Variants in NARS2 observed in about 807,000 individuals in gnomAD.
NARS2 encodes the protein asparaginyl-tRNA synthetase 2, mitochondrial.
Under a neutral mutation model 62.9 loss-of-function variants are expected in NARS2, and 60 were observed. The ratio of observed to expected loss-of-function variants is 0.95; its 90% CI spans 0.77 to 1.18. The LOEUF is 1.18. Ranked by LOEUF, NARS2 falls within the 50% of genes most tolerant of loss-of-function variation. The probability of loss-of-function intolerance (pLI) is 0.00; values close to 1 mark genes in which losing one functional copy is unlikely to be tolerated. For synonymous variants in NARS2, 196 were observed against 200.0 expected (o/e 0.98, Z 0.17); for missense variants, 619 against 576.4 (o/e 1.07, Z -0.76).
At chr11:78,467,158 A>G (rs901266448) in intron 10 of NARS2, among the ~76,000 whole-genome samples, 1 of 152,234 alleles carries the variant, frequency 6.6e-6, no homozygotes, top group African/African-American at 2.4e-5. Context: ...ACAGGAAAAA[A>G]TAACTGGAAT....
intron 4 of NARS2, among the ~76,000 whole-genome samples, chr11:78,565,244 CACCAGTA>C (rs373631963): frequency 1.6e-4 from 25 of 152,180 alleles, no homozygotes; most frequent in African/African-American, 5.8e-4. Flanking sequence ...ACTTGATCAA[CACCAGTA>C]ACTCTTTAAA....
At chr11:78,572,687 C>T (rs1021598464) in intron 1 of NARS2, among the ~76,000 whole-genome samples, 14 of 152,178 alleles carry the variant, frequency 9.2e-5, no homozygotes, top group Admixed American at 7.2e-4. Flanking sequence ...ACCATTGGAG[C>T]AGGGCTGTCC....
intron 6 of NARS2, among the ~76,000 whole-genome samples, chr11:78,499,963 C>T (rs894999859): frequency 3.9e-5 from 6 of 152,214 alleles, no homozygotes; most frequent in African/African-American, 1.4e-4. Context: ...TTACACCTCT[C>T]ATATTTAGTG....
chr11:78,476,721 A>G (rs577598828), intron 9 of NARS2, among the ~76,000 whole-genome samples: 143 of 152,338 alleles, frequency 9.4e-4, no homozygotes, highest in Admixed American at 1.9e-3. Context: ...GACAATGACA[A>G]TGATTGAAAT....
intron 11 of NARS2, among the ~76,000 whole-genome samples, chr11:78,456,180 G>A (rs1406674626): frequency 2.0e-5 from 3 of 152,062 alleles, no homozygotes; most frequent in East Asian, 3.8e-4. Context: ...AGGCATTTAC[G>A]TTCACTTTTA....
chr11:78,467,843 ATCT>A (rs1858687092), intron 10 of NARS2, among the ~76,000 whole-genome samples: 1 of 151,994 alleles, frequency 6.6e-6, no homozygotes, highest in South Asian at 2.1e-4. Context: ...AATATATACA[ATCT>A]TCTTTTGTTG....
chr11:78,492,692 T>C lies in NARS2; in HGVS notation c.822+371A>G, dbSNP rs145385030. Among the ~76,000 whole-genome samples, 1,292 of 152,332 alleles carry C rather than the reference T, an allele frequency of 8.5e-3. 9 individuals carry two copies. The highest frequency in any genetic ancestry group is 0.01 in the Non-Finnish European group (693 of 68,024). ...TTTTCCTAGCAAATCAGAGCTACTA[T>C]TTAGTGAACCTGCTTGTGTTCCAGA... On this transcript the variant is annotated intron_variant, in intron 7 of 13. Coordinates refer to ENST00000281038, the MANE Select transcript of NARS2 (RefSeq NM_024678.6).
intron 9 of NARS2, among the ~76,000 whole-genome samples, chr11:78,477,720 T>A (rs1859162779): frequency 1.3e-5 from 2 of 152,156 alleles, no homozygotes; most frequent in South Asian, 4.1e-4. Flanking sequence ...GTGGGCTAAA[T>A]CCAATCAGTT....
Position 78,560,882 on chromosome 11 carries a change from T to C in NARS2, c.514-1263A>G, listed in dbSNP as rs541317946. On this transcript the variant is annotated intron_variant, in intron 4 of 13. Coordinates refer to ENST00000281038, the MANE Select transcript of NARS2 (RefSeq NM_024678.6). Reference sequence around the variant, plus strand: ...TTTATCTCCTAGGAGCCAAGAATCATGGACATGAAACATTTCTTCCACATG... The same window carrying C: ...TTTATCTCCTAGGAGCCAAGAATCACGGACATGAAACATTTCTTCCACATG... Among the ~76,000 whole-genome samples the C allele has an allele frequency of 3.3e-5, 5 of 152,332 alleles. No homozygotes were observed. In the South Asian group the frequency reaches 6.2e-4, roughly 19 times the overall value.
intron 7 of NARS2, among the ~76,000 whole-genome samples, chr11:78,490,994 C>T (rs933685609): frequency 3.3e-5 from 5 of 152,050 alleles, no homozygotes; most frequent in South Asian, 2.1e-4. Context: ...GAAAAATAAA[C>T]GATATCTTGC....
intron 12 of NARS2, among the ~76,000 whole-genome samples, chr11:78,442,907 GCTAT>G (rs1173646706): frequency 1.3e-5 from 2 of 152,172 alleles, no homozygotes; most frequent in African/African-American, 4.8e-5. Flanking sequence ...TATTCTAAAT[GCTAT>G]CTGACTAGTT....
At position 78,478,476 on chromosome 11, in the gene NARS2, C is replaced by T; in HGVS notation, c.922-1G>A. Reference sequence around the variant, plus strand: ...TTTTTAGCATATGTTCTAATCTGTCCTTAATAAAAAGACAAAAAAGAAAAT... The same window carrying T: ...TTTTTAGCATATGTTCTAATCTGTCTTTAATAAAAAGACAAAAAAGAAAAT... On this transcript the variant is annotated splice_acceptor_variant, in intron 8 of 13. Transcript: ENST00000281038. LOFTEE classifies it high-confidence loss of function. The T allele has an allele frequency of 1.7e-6, 2 of 1,158,144 alleles. No individual in the cohort carries two copies. The highest frequency in any genetic ancestry group is 2.4e-6 in the Non-Finnish European group (2 of 837,212). The allele number at this position is 1,158,144 out of a possible 1,614,324, so 71.7% of individuals were successfully genotyped here. A position where few individuals can be genotyped will look rare whatever the true frequency, so the allele number is the denominator to read the frequency against.
chr11:78,459,962 C>CTGAGGAAATGGTGATT (rs1269921222), intron 11 of NARS2, among the ~76,000 whole-genome samples: 3 of 152,162 alleles, frequency 2.0e-5, no homozygotes, highest in East Asian at 3.9e-4. Context: ...AAAGGTTTCT[C>CTGAGGAAATGGTGATT]TGAGGAAATG....
At chr11:78,545,495 T>G (rs115132289) in intron 5 of NARS2, among the ~76,000 whole-genome samples, 2,021 of 152,018 alleles carry the variant, frequency 0.013, 45 homozygotes, top group African/African-American at 0.046. Context: ...TCAACATTAC[T>G]TACTCCCATA....
At chr11:78,547,463 A>G (rs1257544445) in intron 5 of NARS2, among the ~76,000 whole-genome samples, 6 of 152,256 alleles carry the variant, frequency 3.9e-5, no homozygotes, top group Admixed American at 2.0e-4. Context: ...AAATACATAT[A>G]TTGATACACT....
chr11:78,514,236 C>G (rs900220556), intron 6 of NARS2, among the ~76,000 whole-genome samples: 1 of 152,134 alleles, frequency 6.6e-6, no homozygotes, highest in Non-Finnish European at 1.5e-5. Flanking sequence ...AATCCTCGAC[C>G]CTCAGCCTCC....
chr11:78,543,101 C>T (rs1296212335), intron 5 of NARS2, among the ~76,000 whole-genome samples: 1 of 152,128 alleles, frequency 6.6e-6, no homozygotes, highest in East Asian at 1.9e-4. Flanking sequence ...CTGCTTGAAC[C>T]CAGGAGGCAG....
chr11:78,478,719 G>A, intron 7 of NARS2, 36 bp from the exon 8 acceptor site: 1 of 1,385,006 alleles, frequency 7.2e-7, no homozygotes, highest in South Asian at 1.3e-5. Context: ...TGACACGTAA[G>A]CAATTTTACA....
intron 11 of NARS2, among the ~76,000 whole-genome samples, chr11:78,464,360 C>T (rs554535300): frequency 1.8e-4 from 28 of 152,230 alleles, no homozygotes; most frequent in African/African-American, 6.5e-4. Context: ...GGGACCCGAG[C>T]GGGTTGCTAC....
Sources: gnomAD v4.1 joint callset for allele counts (sites outside exome capture counted in the v4.1 genomes callset) on GRCh38, gnomAD v4.1.1 for gene constraint, MANE v1.5 for transcripts, NCBI Gene and HGNC (gene_info 2026-07-23, HGNC 2026-07-21) for gene names.